SLC16A10: variants seen among roughly 807,000 people sequenced by gnomAD.
The protein encoded by SLC16A10 is solute carrier family 16 member 10, also known as monocarboxylate transporter 10.
SLC16A10 carries 27 observed loss-of-function variants against 40.0 expected under a neutral mutation model. The observed-to-expected ratio is 0.67, with a 90% CI of 0.50 to 0.93. SLC16A10 has a LOEUF of 0.93. Among genes scored for constraint, SLC16A10 ranks in the 40% least tolerant of loss-of-function variants. The pLI is 0.00. For missense variants in SLC16A10, 529 were observed against 658.2 expected, an observed-to-expected ratio of 0.80 and a Z score of 2.15; for synonymous variants, 213 against 249.8, an observed-to-expected ratio of 0.85 and a Z score of 1.39.
At chr6:111,122,372 A>G (rs1771599336) in intron 1 of SLC16A10, among the ~76,000 whole-genome samples, 1 of 152,206 alleles carries the variant, frequency 6.6e-6, no homozygotes, top group South Asian at 2.1e-4. Flanking sequence ...CCCATATGCT[A>G]TCAATTGGAA....
intron 1 of SLC16A10, among the ~76,000 whole-genome samples, chr6:111,125,669 A>G (rs998135986): frequency 2.0e-5 from 3 of 152,166 alleles, no homozygotes; most frequent in Admixed American, 6.5e-5. Flanking sequence ...ATAAGAGTTT[A>G]TATTTATACT....
chr6:111,099,489 T>A (rs1333634725), intron 1 of SLC16A10, among the ~76,000 whole-genome samples: 1 of 151,940 alleles, frequency 6.6e-6, no homozygotes, highest in African/African-American at 2.4e-5. Context: ...ATTTTTAAAG[T>A]TTTTTTGTAG....
chr6:111,112,504 A>G (rs993836772), intron 1 of SLC16A10, among the ~76,000 whole-genome samples: 1 of 152,210 alleles, frequency 6.6e-6, no homozygotes, highest in East Asian at 1.9e-4. Context: ...TTACAACTAT[A>G]TTTGCGCTGG....
chr6:111,216,697 GAGCCACCGCGCCC>G (rs1054592704), intron 4 of SLC16A10, among the ~76,000 whole-genome samples: 1 of 151,770 alleles, frequency 6.6e-6, no homozygotes, highest in Non-Finnish European at 1.5e-5. Context: ...TTACAGGCGT[GAGCCACCGCGCCC>G]AGCCGGCCAA....
chr6:111,161,463 T>G (rs1384204337), intron 1 of SLC16A10, among the ~76,000 whole-genome samples: 1 of 151,756 alleles, frequency 6.6e-6, no homozygotes, highest in African/African-American at 2.4e-5. Flanking sequence ...TGCTATCAGT[T>G]CTCCCCTCTG....
intron 3 of SLC16A10, among the ~76,000 whole-genome samples, chr6:111,182,316 T>TC (rs1359551246): frequency 1.4e-5 from 2 of 141,774 alleles, no homozygotes; most frequent in African/African-American, 2.6e-5. Flanking sequence ...GTTTCTTTTT[T>TC]TTTTTTTTTT....
intron 4 of SLC16A10, 21 bp downstream of exon 4, chr6:111,206,756 T>C: frequency 6.2e-7 from 1 of 1,605,204 alleles, no homozygotes; most frequent in Non-Finnish European, 8.5e-7. Context: ...ACACCTTTTT[T>C]CCCCTATCAA....
At chr6:111,208,557 G>T (rs557474656) in intron 4 of SLC16A10, among the ~76,000 whole-genome samples, 4 of 151,980 alleles carry the variant, frequency 2.6e-5, no homozygotes, top group Admixed American at 2.6e-4. Flanking sequence ...CAGCCTGGGT[G>T]ACAGAGCAAG....
chr6:111,203,884 A>G (rs1371449352), intron 3 of SLC16A10, among the ~76,000 whole-genome samples: 2 of 152,132 alleles, frequency 1.3e-5, no homozygotes, highest in Non-Finnish European at 2.9e-5. Context: ...AAAGTAGAGC[A>G]GGGGGGAAAT....
At chr6:111,104,103 T>C (rs963195181) in intron 1 of SLC16A10, among the ~76,000 whole-genome samples, 1 of 152,128 alleles carries the variant, frequency 6.6e-6, no homozygotes, top group Admixed American at 6.5e-5. Context: ...TAGTGAAAGG[T>C]CATAGACTAT....
chr6:111,145,004 A>G (rs963144946), intron 1 of SLC16A10, among the ~76,000 whole-genome samples: 1 of 152,068 alleles, frequency 6.6e-6, no homozygotes, highest in African/African-American at 2.4e-5. Flanking sequence ...TAATTTTTAA[A>G]TTAGTTTTTG....
intron 1 of SLC16A10, among the ~76,000 whole-genome samples, chr6:111,149,340 C>T (rs1415495834): frequency 1.3e-5 from 2 of 152,204 alleles, no homozygotes; most frequent in Non-Finnish European, 2.9e-5. Flanking sequence ...TAAGAATTCT[C>T]AAATCCTCAG....
intron 3 of SLC16A10, among the ~76,000 whole-genome samples, chr6:111,179,916 G>T (rs1480877494): frequency 6.6e-6 from 1 of 152,174 alleles, no homozygotes; most frequent in East Asian, 1.9e-4. Context: ...TCACTTTGTT[G>T]TAATTTAAGG....
At position 111,229,570 on chromosome 6, in the gene SLC16A10, T is replaced by C. The variant is rs971806829; in HGVS notation, c.*7335T>C. 6.6e-6 allele frequency: 1 copy of C among 152,212 alleles called. No homozygotes were observed. Among genetic ancestry groups the C allele is most frequent in the African/African-American group, 2.4e-5 (1 of 41,456 alleles). The allele number at this position is 152,212 out of a possible 1,614,324, so 9.4% of individuals were successfully genotyped here. A position where few individuals can be genotyped will look rare whatever the true frequency, so the allele number is the denominator to read the frequency against. On this transcript the variant is annotated 3_prime_UTR_variant, in exon 6 of 6. Transcript: ENST00000368851. ...GACATTTGAAACTATTTCGCAACTT[T>C]CAGGCTAAAATCAGAGTTTTGAGAG... is the stretch of plus-strand genomic sequence containing the variant.
At chr6:111,198,210 C>T (rs1773111376) in intron 3 of SLC16A10, among the ~76,000 whole-genome samples, 1 of 152,128 alleles carries the variant, frequency 6.6e-6, no homozygotes, top group African/African-American at 2.4e-5. Flanking sequence ...TCTCTTGAAC[C>T]CGTGGGCAGA....
chr6:111,211,540 A>G (rs1042809192), intron 4 of SLC16A10, among the ~76,000 whole-genome samples: 5 of 152,224 alleles, frequency 3.3e-5, no homozygotes, highest in African/African-American at 9.6e-5. Context: ...TGTGGCACCC[A>G]GTAGCACATG....
chr6:111,148,974 C>T (rs1463805789), intron 1 of SLC16A10, among the ~76,000 whole-genome samples: 1 of 152,140 alleles, frequency 6.6e-6, no homozygotes, highest in African/African-American at 2.4e-5. Flanking sequence ...TATTGATCGT[C>T]CATGGTAGAA....
At chr6:111,114,888 T>A (rs1476588770) in intron 1 of SLC16A10, among the ~76,000 whole-genome samples, 1 of 152,218 alleles carries the variant, frequency 6.6e-6, no homozygotes, top group Non-Finnish European at 1.5e-5. Context: ...TTATTTATTT[T>A]TTTTGAGACA....
chr6:111,152,666 C>T (rs1051857948), intron 1 of SLC16A10, among the ~76,000 whole-genome samples: 1 of 152,140 alleles, frequency 6.6e-6, no homozygotes, highest in Non-Finnish European at 1.5e-5. Flanking sequence ...TTTTACTTTA[C>T]GTGTAAGTAC....
Sources: allele counts gnomAD v4.1 joint callset (sites outside exome capture counted in the v4.1 genomes callset), GRCh38; gene constraint gnomAD v4.1.1; transcripts MANE v1.5; gene names NCBI Gene and HGNC (gene_info 2026-07-23, HGNC 2026-07-21).